Variants in CAST observed in about 807,000 individuals in gnomAD.
The protein encoded by CAST is MIR583 host.
CAST carries 76 observed loss-of-function variants against 119.6 expected under a neutral mutation model. The observed-to-expected ratio is 0.64, with a 90% CI of 0.53 to 0.77. The LOEUF is 0.77. Ranked by LOEUF, CAST falls within the 30% of genes least tolerant of loss-of-function variation. CAST has a pLI of 0.00. For missense variants in CAST, 953 were observed against 946.5 expected, an observed-to-expected ratio of 1.01 and a Z score of -0.09; for synonymous variants, 319 against 331.6, an observed-to-expected ratio of 0.96 and a Z score of 0.41.
the CAST span, among the ~76,000 whole-genome samples, chr5:96,092,467 C>A: frequency 6.6e-6 from 1 of 152,184 alleles, no homozygotes; most frequent in Admixed American, 6.5e-5. Context: ...ATCCTCAACT[C>A]TTCCCCTTCC....
At chr5:96,034,509 ATGT>A in the CAST span, among the ~76,000 whole-genome samples, 461 of 131,778 alleles carry the variant, frequency 3.5e-3, 7 homozygotes, top group South Asian at 0.017. Context: ...ACACACACAT[ATGT>A]GTGTGTGTAT....
intron 2 of CAST, among the ~76,000 whole-genome samples, chr5:96,691,050 T>G (rs1752668801): frequency 6.6e-6 from 1 of 152,218 alleles, no homozygotes; most frequent in African/African-American, 2.4e-5. Flanking sequence ...CAGCTTTATT[T>G]ATATATAGTT....
At chr5:96,501,363 A>T in the CAST span, among the ~76,000 whole-genome samples, 5 of 152,338 alleles carry the variant, frequency 3.3e-5, no homozygotes, top group East Asian at 5.8e-4. Flanking sequence ...TACCTAAAAA[A>T]TAAAACAGGC....
At chr5:96,680,951 A>T (rs1751338746) in intron 2 of CAST, among the ~76,000 whole-genome samples, 1 of 152,232 alleles carries the variant, frequency 6.6e-6, no homozygotes, top group Non-Finnish European at 1.5e-5. Flanking sequence ...GAAAAGCTGC[A>T]CCGAGGCAGT....
chr5:96,302,485 CA>C, the CAST span, among the ~76,000 whole-genome samples: 2 of 152,122 alleles, frequency 1.3e-5, no homozygotes, highest in Non-Finnish European at 2.9e-5. Flanking sequence ...AGGCAGGCTG[CA>C]AATTTTCCAT....
At chr5:96,292,134 A>C in the CAST span, among the ~76,000 whole-genome samples, 1 of 152,152 alleles carries the variant, frequency 6.6e-6, no homozygotes, top group Non-Finnish European at 1.5e-5. Context: ...CTCAAAGATG[A>C]TATCACTACA....
In CAST at chr5:96,534,676, AAGAG is replaced by A. The variant is rs1243543834; in HGVS notation, c.60+4807_60+4810del. On this transcript the variant is annotated intron_variant, in intron 1 of 11. Transcript: ENST00000505143. ...AAAGTGAGACTTCATCAAAGAAAGA[AAGAG>A]AGAGAGAGAGGAAGGAAGGAAGGAA... Among the ~76,000 whole-genome samples, 27 of 131,068 alleles carry A rather than the reference AAGAG, an allele frequency of 2.1e-4. 1 individual carries two copies. Among genetic ancestry groups the A allele is most frequent in the Non-Finnish European group, 3.3e-4 (21 of 63,128 alleles). 86.0% of individuals were successfully genotyped at this position (131,068 alleles called of 152,430 possible).
At chr5:96,620,937 C>T (rs576700482) in intron 1 of CAST, among the ~76,000 whole-genome samples, 1 of 152,334 alleles carries the variant, frequency 6.6e-6, no homozygotes, top group East Asian at 1.9e-4. Flanking sequence ...TTGAGTCCAT[C>T]TAAGTATAAA....
chr5:96,306,670 A>G, the CAST span, among the ~76,000 whole-genome samples: 1 of 152,132 alleles, frequency 6.6e-6, no homozygotes, highest in Non-Finnish European at 1.5e-5. Flanking sequence ...AGTGGTTTCA[A>G]AGAACTTATT....
the CAST span, among the ~76,000 whole-genome samples, chr5:96,400,467 A>G: frequency 6.6e-6 from 1 of 152,214 alleles, no homozygotes; most frequent in East Asian, 1.9e-4. Flanking sequence ...TAGAAGTATA[A>G]AACTTTGTCC....
chr5:96,674,910 C>T (rs1482953589), intron 1 of CAST, among the ~76,000 whole-genome samples: 1 of 152,100 alleles, frequency 6.6e-6, no homozygotes, highest in African/African-American at 2.4e-5. Context: ...AAAACATCAC[C>T]TTGTACCCCA....
At chr5:96,269,409 A>G in the CAST span, among the ~76,000 whole-genome samples, 4 of 152,206 alleles carry the variant, frequency 2.6e-5, no homozygotes, top group Non-Finnish European at 5.9e-5. Flanking sequence ...AATCATCCAG[A>G]CATAAAACCA....
chr5:96,123,547 T>C, the CAST span, among the ~76,000 whole-genome samples: 2 of 152,292 alleles, frequency 1.3e-5, no homozygotes, highest in South Asian at 4.1e-4. Flanking sequence ...ATTTTCAAAA[T>C]TGAAGGTTGG....
At chr5:96,075,260 AG>A in the CAST span, among the ~76,000 whole-genome samples, 44 of 152,324 alleles carry the variant, frequency 2.9e-4, no homozygotes, top group African/African-American at 1.0e-3. Context: ...AAATCAAGCC[AG>A]GTAAAGATGA....
At chr5:96,258,980 G>A in the CAST span, among the ~76,000 whole-genome samples, 1 of 152,194 alleles carries the variant, frequency 6.6e-6, no homozygotes, top group Admixed American at 6.6e-5. Context: ...ATCCCAAGTG[G>A]GAAGAGGTTA....
the CAST span, among the ~76,000 whole-genome samples, chr5:96,115,990 A>G: frequency 1.3e-5 from 2 of 151,512 alleles, no homozygotes; most frequent in African/African-American, 4.9e-5. Flanking sequence ...TGAAGTATAC[A>G]GTTTAATGAA....
the CAST span, among the ~76,000 whole-genome samples, chr5:96,411,307 G>A: frequency 1.3e-5 from 2 of 152,304 alleles, no homozygotes; most frequent in East Asian, 3.9e-4. Context: ...TTATGTCACT[G>A]CACTTAAATC....
chr5:96,333,801 G>A, the CAST span, among the ~76,000 whole-genome samples: 1 of 152,162 alleles, frequency 6.6e-6, no homozygotes, highest in Non-Finnish European at 1.5e-5. Flanking sequence ...AGAACAGGCT[G>A]AAGCTCTGCT....
chr5:96,718,746 T>A (rs951528955), intron 3 of CAST, among the ~76,000 whole-genome samples: 8 of 152,120 alleles, frequency 5.3e-5, no homozygotes, highest in African/African-American at 1.2e-4. Context: ...CAGCCCAGTG[T>A]TCTTAGTAAC....
Sources: allele counts gnomAD v4.1 joint callset (sites outside exome capture counted in the v4.1 genomes callset), GRCh38; gene constraint gnomAD v4.1.1; transcripts MANE v1.5; gene names NCBI Gene and HGNC (gene_info 2026-07-23, HGNC 2026-07-21).